Variants in SLC13A2 observed in about 807,000 individuals in gnomAD.
SLC13A2 encodes the protein Na(+)-coupled citrate transporter.
In SLC13A2, 40 loss-of-function variants were observed where a neutral mutation model predicts 58.5. The observed-to-expected ratio is 0.68, with a 90% CI of 0.53 to 0.89. The LOEUF is 0.89. SLC13A2 is among the 40% of genes least tolerant of loss of function. SLC13A2 has a pLI of 0.00. For synonymous variants in SLC13A2, 341 were observed against 331.6 expected, an observed-to-expected ratio of 1.03 and a Z score of -0.31; for missense variants, 694 against 772.6, an observed-to-expected ratio of 0.90 and a Z score of 1.21.
At position 28,497,170 on chromosome 17, in the gene SLC13A2, C is replaced by T. The variant is rs144599177; in HGVS notation, c.1680C>T (p.Ile560=). The change falls in exon 12 of 12, where the codon ATC becomes ATT. Residue 560 remains isoleucine, a synonymous_variant. Transcript: ENST00000314669. ...IIALAINSWG[I]PLFSLHSFPS... ...CACTGGCCATCAACAGCTGGGGCAT[C>T]CCCCTCTTCAGCCTGCACTCTTTCC... 3.1e-6 allele frequency: 5 copies of T among 1,614,016 alleles called. No homozygotes were observed. The highest frequency in any genetic ancestry group is 1.6e-4 in the Middle Eastern group (1 of 6,062).
chr17:28,485,488 T>C (rs1410369298), intron 1 of SLC13A2, among the ~76,000 whole-genome samples: 11 of 152,138 alleles, frequency 7.2e-5, no homozygotes, highest in Non-Finnish European at 1.6e-4. Context: ...ACTGACCTTG[T>C]AATTGGATAT....
At chr17:28,484,105 C>T (rs1249774900) in intron 1 of SLC13A2, among the ~76,000 whole-genome samples, 3 of 152,204 alleles carry the variant, frequency 2.0e-5, no homozygotes, top group African/African-American at 7.2e-5. Context: ...ATGCCAGGCA[C>T]CTCGCTGGGG....
Position 28,494,758 on chromosome 17 carries a change from T to C in SLC13A2, c.1308+246T>C, listed in dbSNP as rs1221613732. 6.6e-6 allele frequency among the ~76,000 whole-genome samples: 1 copy of C among 152,112 alleles called. No individual in the cohort carries two copies. Among genetic ancestry groups the C allele is most frequent in the Non-Finnish European group, 1.5e-5 (1 of 68,000 alleles). ...TCCAAGGGAAGGCAGGATTCTCTGGTGGGCAGAGCCTGTTCTCAGAGACAA... is the reference window on the plus strand; with the variant it reads ...TCCAAGGGAAGGCAGGATTCTCTGGCGGGCAGAGCCTGTTCTCAGAGACAA... On this transcript the variant is annotated intron_variant, in intron 9 of 11. Coordinates refer to ENST00000314669, the MANE Select transcript of SLC13A2 (RefSeq NM_003984.4). The surrounding 1 kb of genome is among the most constrained non-coding windows in gnomAD (Gnocchi z 4.0).
rs1191986556 is a variant in SLC13A2 at position 28,487,886 on chromosome 17, C to T, written c.103-1328C>T. 4.6e-5 allele frequency among the ~76,000 whole-genome samples: 7 copies of T among 152,160 alleles called. No homozygotes were observed. The East Asian group carries it at 9.6e-4, about 21-fold the overall frequency. On this transcript the variant is annotated intron_variant, in intron 1 of 11. Transcript: ENST00000314669. ...TATGTGCAGTTGGGCAGGCTACACA[C>T]TGCACAATTACTGGGGCACCATTCA...
rs375491240 is a variant in SLC13A2 at position 28,491,766 on chromosome 17, C to T, written c.792C>T (p.Ala264=). ...AAAACGGCAACGTGGTGAACTTCGC[C>T]TCCTGGTTCAGCTTCGCCTTCCCCA... The part of the protein sequence containing the change: ...FPQNGNVVNF[A]SWFSFAFPTM... Residue 264 remains alanine, a synonymous_variant, in exon 6 of 12, where the codon GCC becomes GCT. Coordinates refer to ENST00000314669, the MANE Select transcript of SLC13A2 (RefSeq NM_003984.4). 15 of 1,614,068 alleles carry T rather than the reference C, an allele frequency of 9.3e-6. No individual in the cohort carries two copies. Among genetic ancestry groups the T allele is most frequent in the Non-Finnish European group, 1.3e-5 (15 of 1,180,036 alleles).
chr17:28,493,539 C>G, intron 6 of SLC13A2, 32 bp from the exon 7 acceptor site: 2 of 1,555,420 alleles, frequency 1.3e-6, no homozygotes, highest in Non-Finnish European at 1.7e-6. Context: ...GGAGCAGGCC[C>G]CCCACGAGCT....
At chr17:28,476,895 G>A (rs1214879082) in intron 1 of SLC13A2, among the ~76,000 whole-genome samples, 6 of 152,110 alleles carry the variant, frequency 3.9e-5, no homozygotes, top group Admixed American at 2.6e-4. Context: ...AGTGGCTCAC[G>A]CCTATAATTC....
At chr17:28,476,321 C>A (rs2068670078) in intron 1 of SLC13A2, among the ~76,000 whole-genome samples, 1 of 152,134 alleles carries the variant, frequency 6.6e-6, no homozygotes, top group Admixed American at 6.5e-5. Context: ...ATAATCCCAG[C>A]ACTTTGTGAG....
intron 1 of SLC13A2, among the ~76,000 whole-genome samples, chr17:28,483,654 TA>T (rs1305418428): frequency 6.6e-6 from 1 of 152,030 alleles, no homozygotes; most frequent in Non-Finnish European, 1.5e-5. Context: ...AAATTTTTTT[TA>T]AAAAAACCTT....
chr17:28,495,453 T>A (rs572579444), intron 9 of SLC13A2, among the ~76,000 whole-genome samples: 1 of 152,238 alleles, frequency 6.6e-6, no homozygotes, highest in Admixed American at 6.5e-5. Flanking sequence ...CATCTGCCCC[T>A]TCTTCCCACA....
Position 28,490,843 on chromosome 17 carries a change from GGCA to G in SLC13A2, c.515_517del (p.Ser172del), listed in dbSNP as rs1555603226. ...GCAAGCCAGCAGCAACGTCGAGGAGGGCAGCAACAACCCCACCTTCGAGCTCCA... is the reference window on the plus strand; with the variant it reads ...GCAAGCCAGCAGCAACGTCGAGGAGGGCAACAACCCCACCTTCGAGCTCCA... On this transcript the variant is annotated inframe_deletion, in exon 4 of 12. Transcript: ENST00000314669. The G allele has an allele frequency of 1.2e-6, 2 of 1,613,994 alleles. No individual in the cohort carries two copies. Among genetic ancestry groups the G allele is most frequent in the Non-Finnish European group, 1.7e-6 (2 of 1,180,054 alleles).
chr17:28,477,197 T>G lies in SLC13A2; in HGVS notation c.102+3383T>G, dbSNP rs1193041311. 1.4e-4 allele frequency among the ~76,000 whole-genome samples: 20 copies of G among 143,624 alleles called. 1 individual carries two copies. Among genetic ancestry groups the G allele is most frequent in the Admixed American group, 1.1e-3 (16 of 14,834 alleles). 94.2% of individuals were successfully genotyped at this position (143,624 alleles called of 152,430 possible). ...TAAAAAACACCCAAGTTTTTTGTTTTTTTTTTTTTTTTTTGAGACTGAGTC... is the reference window on the plus strand; with the variant it reads ...TAAAAAACACCCAAGTTTTTTGTTTGTTTTTTTTTTTTTTGAGACTGAGTC... On this transcript the variant is annotated intron_variant, in intron 1 of 11. Transcript: ENST00000314669.
intron 9 of SLC13A2, among the ~76,000 whole-genome samples, chr17:28,495,102 C>G (rs889432931): frequency 2.0e-5 from 3 of 152,174 alleles, no homozygotes; most frequent in Non-Finnish European, 4.4e-5. Context: ...CTGTGCTAGG[C>G]GCTGGCCCCA....
chr17:28,492,267 A>C (rs1216726037), intron 6 of SLC13A2, among the ~76,000 whole-genome samples: 1 of 152,224 alleles, frequency 6.6e-6, no homozygotes, highest in African/African-American at 2.4e-5. Flanking sequence ...CACTGGGCAC[A>C]GTCCCTGTCC....
At chr17:28,476,317 C>T (rs1224021426) in intron 1 of SLC13A2, among the ~76,000 whole-genome samples, 3 of 152,106 alleles carry the variant, frequency 2.0e-5, no homozygotes, top group Non-Finnish European at 4.4e-5. Flanking sequence ...ACCTATAATC[C>T]CAGCACTTTG....
intron 1 of SLC13A2, among the ~76,000 whole-genome samples, chr17:28,478,604 T>C (rs2151444670): frequency 6.6e-6 from 1 of 152,078 alleles, no homozygotes; most frequent in South Asian, 2.1e-4. Flanking sequence ...GGAGGAAAGA[T>C]GTAGGGGCCA....
At chr17:28,495,897 T>G in intron 10 of SLC13A2, 81 bp downstream of exon 10, 1 of 1,492,364 alleles carries the variant, frequency 6.7e-7, no homozygotes, top group Non-Finnish European at 9.1e-7. Context: ...GGGCAGAGTA[T>G]CCTGTCTTTG....
intron 1 of SLC13A2, among the ~76,000 whole-genome samples, chr17:28,477,402 G>T (rs892549765): frequency 3.3e-5 from 5 of 151,678 alleles, no homozygotes; most frequent in South Asian, 4.2e-4. Context: ...CACCGTGTTA[G>T]CCAGGATGGT....
intron 1 of SLC13A2, among the ~76,000 whole-genome samples, chr17:28,478,403 T>C (rs1555600470): frequency 6.6e-6 from 1 of 152,180 alleles, no homozygotes; most frequent in Non-Finnish European, 1.5e-5. Context: ...TTGCTTATAG[T>C]CTATAGGAGG....
Sources: allele counts gnomAD v4.1 joint callset (sites outside exome capture counted in the v4.1 genomes callset), GRCh38; gene constraint gnomAD v4.1.1; non-coding constraint Gnocchi (gnomAD v3.1); transcripts MANE v1.5; gene names NCBI Gene and HGNC (gene_info 2026-07-23, HGNC 2026-07-21).